CNTN5: variants seen among roughly 807,000 people sequenced by gnomAD.
CNTN5 encodes the protein contactin-5.
A neutral mutation model predicts 129.1 loss-of-function variants in CNTN5; 77 were observed. That is an observed-to-expected ratio of 0.60 (90% CI 0.50 to 0.72). The LOEUF (loss-of-function observed/expected upper bound fraction) is 0.72. Ranked by LOEUF, CNTN5 falls within the 30% of genes least tolerant of loss-of-function variation. The pLI, the probability that CNTN5 is intolerant of heterozygous loss-of-function variation, is 0.00. For missense variants in CNTN5, 1,478 were observed against 1,328.8 expected (o/e 1.11, Z -1.75); for synonymous variants, 509 against 465.6 (o/e 1.09, Z -1.20).
At chr11:99,676,231 C>A (rs1248654430) in intron 3 of CNTN5, among the ~76,000 whole-genome samples, 9 of 152,260 alleles carry the variant, frequency 5.9e-5, no homozygotes, top group African/African-American at 2.2e-4. Flanking sequence ...ACCACTGGTG[C>A]TCAGAATATC....
chr11:99,234,722 A>G (rs936303939), intron 1 of CNTN5, among the ~76,000 whole-genome samples: 2 of 151,934 alleles, frequency 1.3e-5, no homozygotes, highest in African/African-American at 4.8e-5. Flanking sequence ...AAAATAAATA[A>G]TAATGTAAAT....
At chr11:100,202,985 T>C (rs1208273439) in intron 15 of CNTN5, among the ~76,000 whole-genome samples, 2 of 152,074 alleles carry the variant, frequency 1.3e-5, no homozygotes, top group East Asian at 3.9e-4. Context: ...TTGTGTCTTT[T>C]AACACTGAGA....
At chr11:99,811,373 CATTTT>C (rs1253105926) in intron 3 of CNTN5, among the ~76,000 whole-genome samples, 2 of 151,208 alleles carry the variant, frequency 1.3e-5, no homozygotes, top group South Asian at 2.1e-4. Context: ...ATCATATTGA[CATTTT>C]ATTTTATCTT....
At chr11:99,225,033 G>T (rs1860606656) in intron 1 of CNTN5, among the ~76,000 whole-genome samples, 1 of 152,086 alleles carries the variant, frequency 6.6e-6, no homozygotes. Flanking sequence ...GTTTGGAATT[G>T]AGAGAAGGAC....
chr11:99,660,667 G>A (rs1319643749), intron 3 of CNTN5, among the ~76,000 whole-genome samples: 1 of 152,020 alleles, frequency 6.6e-6, no homozygotes, highest in Non-Finnish European at 1.5e-5. Flanking sequence ...AGAAAATAAT[G>A]GGATAAAGAT....
chr11:100,103,216 A>G (rs1277065927), intron 13 of CNTN5, among the ~76,000 whole-genome samples: 1 of 152,216 alleles, frequency 6.6e-6, no homozygotes, highest in Non-Finnish European at 1.5e-5. Context: ...GCACGGGCAC[A>G]TTCTGAATGC....
intron 18 of CNTN5, among the ~76,000 whole-genome samples, chr11:100,288,324 C>G (rs1211314150): frequency 2.0e-5 from 3 of 151,954 alleles, no homozygotes; most frequent in African/African-American, 7.3e-5. Flanking sequence ...CAGCACCACA[C>G]CACACCTATT....
rs1332462710 is a variant in CNTN5, at chr11:99,090,308, T to TAA, written c.-210+69039_-210+69040insAA. Among the ~76,000 whole-genome samples, 6 of 152,254 alleles carry TAA rather than the reference T, an allele frequency of 3.9e-5. No homozygotes were observed. In the South Asian group the frequency reaches 1.0e-3, roughly 26 times the overall value. On this transcript the variant is annotated intron_variant, in intron 1 of 24. Coordinates refer to ENST00000524871, the MANE Select transcript of CNTN5 (RefSeq NM_014361.4). ...TAGATCAGCAGCCCCTTGAAGTTAT[T>TAA]ATGGGCCTGTTGTGGCTTATAAAAC...
intron 1 of CNTN5, among the ~76,000 whole-genome samples, chr11:99,279,688 A>G (rs560922214): frequency 6.6e-6 from 1 of 151,764 alleles, no homozygotes; most frequent in South Asian, 2.1e-4. Context: ...TAATTGAATA[A>G]GTCCGTGTTA....
intron 9 of CNTN5, among the ~76,000 whole-genome samples, chr11:100,042,470 A>C (rs568731535): frequency 6.6e-6 from 1 of 152,332 alleles, no homozygotes; most frequent in South Asian, 2.1e-4. Context: ...TGCAAGGAAA[A>C]TAGGAAGCTC....
chr11:100,313,336 T>C (rs1951509463), intron 21 of CNTN5, among the ~76,000 whole-genome samples: 2 of 151,698 alleles, frequency 1.3e-5, no homozygotes. Flanking sequence ...GAGAAGCAGA[T>C]GTATTTTAGA....
At chr11:99,283,193 C>T (rs1565460785) in intron 1 of CNTN5, among the ~76,000 whole-genome samples, 1 of 152,102 alleles carries the variant, frequency 6.6e-6, no homozygotes, top group Non-Finnish European at 1.5e-5. Flanking sequence ...ATGACTCTTA[C>T]TCTCTCAGTC....
chr11:99,912,842 T>C (rs1219807004), intron 6 of CNTN5, among the ~76,000 whole-genome samples: 1 of 152,050 alleles, frequency 6.6e-6, no homozygotes, highest in Non-Finnish European at 1.5e-5. Flanking sequence ...AAGTTGAGTA[T>C]TTGTAAATGT....
At chr11:100,322,518 G>A (rs1349657794) in intron 21 of CNTN5, among the ~76,000 whole-genome samples, 4 of 152,130 alleles carry the variant, frequency 2.6e-5, no homozygotes, top group Admixed American at 6.5e-5. Context: ...CACTGCGCCC[G>A]GCCTCGTAAT....
At chr11:99,694,087 G>A (rs533486559) in intron 3 of CNTN5, among the ~76,000 whole-genome samples, 1 of 152,066 alleles carries the variant, frequency 6.6e-6, no homozygotes, top group East Asian at 1.9e-4. Flanking sequence ...CTTTGATGTT[G>A]TTGGAATGTA....
At chr11:99,704,447 A>C (rs747005339) in intron 3 of CNTN5, among the ~76,000 whole-genome samples, 5 of 151,148 alleles carry the variant, frequency 3.3e-5, no homozygotes, top group Non-Finnish European at 7.4e-5. Context: ...TCCTAGATGA[A>C]GGTTACAAAA....
At chr11:99,943,287 T>C (rs981711137) in intron 7 of CNTN5, among the ~76,000 whole-genome samples, 1 of 152,182 alleles carries the variant, frequency 6.6e-6, no homozygotes, top group Non-Finnish European at 1.5e-5. Flanking sequence ...TGATAACCAG[T>C]GATGATAGGC....
intron 3 of CNTN5, among the ~76,000 whole-genome samples, chr11:99,607,899 A>G (rs1221817142): frequency 8.2e-6 from 1 of 121,892 alleles, no homozygotes; most frequent in African/African-American, 3.1e-5. Flanking sequence ...GAATTGAACA[A>G]TGAGATCACA....
At chr11:100,181,779 CA>C (rs1364847040) in intron 13 of CNTN5, among the ~76,000 whole-genome samples, 1 of 151,692 alleles carries the variant, frequency 6.6e-6, no homozygotes, top group African/African-American at 2.4e-5. Context: ...AAAAAAGCAC[CA>C]AAAATATAGA....
Sources: gnomAD v4.1 joint callset for allele counts (sites outside exome capture counted in the v4.1 genomes callset) on GRCh38, gnomAD v4.1.1 for gene constraint, MANE v1.5 for transcripts, NCBI Gene and HGNC (gene_info 2026-07-23, HGNC 2026-07-21) for gene names.